The following SLC9A9 variants were observed in gnomAD, a reference collection of about 807,000 sequenced individuals.
SLC9A9 encodes the protein sodium/hydrogen exchanger 9.
Under a neutral mutation model 77.8 loss-of-function variants are expected in SLC9A9, and 62 were observed. The ratio of observed to expected loss-of-function variants is 0.80; its 90% CI spans 0.65 to 0.98. The LOEUF is 0.98. SLC9A9 is among the 50% of genes least tolerant of loss of function. The pLI is 0.00. For missense variants in SLC9A9, 775 were observed against 774.9 expected (o/e 1.00, Z 0.00); for synonymous variants, 320 against 283.5 (o/e 1.13, Z -1.29).
chr3:143,745,731 C>T (rs912995779), intron 4 of SLC9A9, among the ~76,000 whole-genome samples: 2 of 152,098 alleles, frequency 1.3e-5, no homozygotes, highest in African/African-American at 4.8e-5. Context: ...GTGACAGGCA[C>T]TTGGAATAAA....
At chr3:143,672,063 T>C (rs945899549) in intron 5 of SLC9A9, among the ~76,000 whole-genome samples, 1 of 152,234 alleles carries the variant, frequency 6.6e-6, no homozygotes, top group African/African-American at 2.4e-5. Flanking sequence ...CATTTTTTGC[T>C]GTTTATAATA....
At chr3:143,462,349 G>A (rs549455084) in intron 12 of SLC9A9, among the ~76,000 whole-genome samples, 19 of 152,148 alleles carry the variant, frequency 1.2e-4, no homozygotes, top group African/African-American at 3.4e-4. Flanking sequence ...CTCCACCCTC[G>A]GTGAGAGAGC....
At chr3:143,504,838 A>G (rs893963444) in intron 9 of SLC9A9, among the ~76,000 whole-genome samples, 1 of 152,212 alleles carries the variant, frequency 6.6e-6, no homozygotes, top group African/African-American at 2.4e-5. Context: ...TTGCATTAAC[A>G]CAATAAAGGG....
At chr3:143,599,039 A>G (rs530603478) in intron 6 of SLC9A9, among the ~76,000 whole-genome samples, 9 of 152,228 alleles carry the variant, frequency 5.9e-5, no homozygotes, top group Non-Finnish European at 1.2e-4. Flanking sequence ...AACAAGATTC[A>G]AATGAGTTAC....
chr3:143,331,185 T>C (rs564500786), intron 14 of SLC9A9, among the ~76,000 whole-genome samples: 2 of 152,300 alleles, frequency 1.3e-5, no homozygotes, highest in Non-Finnish European at 2.9e-5. Context: ...ACTCCACATA[T>C]AGCAGCTGAT....
chr3:143,331,817 C>T (rs1264406386), intron 14 of SLC9A9, among the ~76,000 whole-genome samples: 1 of 152,006 alleles, frequency 6.6e-6, no homozygotes, highest in Admixed American at 6.6e-5. Context: ...AGTAAATTAC[C>T]ATATGGTGTG....
chr3:143,414,893 C>T (rs2034163487), intron 12 of SLC9A9, among the ~76,000 whole-genome samples: 1 of 152,194 alleles, frequency 6.6e-6, no homozygotes, highest in Admixed American at 6.5e-5. Context: ...AGGCCTCTTA[C>T]ACCAAACAGC....
intron 14 of SLC9A9, among the ~76,000 whole-genome samples, chr3:143,303,298 G>C (rs1383662919): frequency 6.6e-6 from 1 of 152,186 alleles, no homozygotes; most frequent in Non-Finnish European, 1.5e-5. Context: ...CAAATAGAAA[G>C]TGATATCTGA....
chr3:143,641,383 G>GTTTTTT (rs1264945564), intron 6 of SLC9A9, among the ~76,000 whole-genome samples: 36 of 98,082 alleles, frequency 3.7e-4, no homozygotes, highest in South Asian at 6.5e-4. Context: ...TGTTGTCACA[G>GTTTTTT]TCTTTTTTTT....
chr3:143,315,370 C>T (rs1048188854), intron 14 of SLC9A9, among the ~76,000 whole-genome samples: 6 of 152,292 alleles, frequency 3.9e-5, no homozygotes, highest in South Asian at 4.2e-4. Flanking sequence ...AGGGCTCTAA[C>T]GGCAACATGT....
At chr3:143,420,995 C>G (rs1439942111) in intron 12 of SLC9A9, among the ~76,000 whole-genome samples, 2 of 151,934 alleles carry the variant, frequency 1.3e-5, no homozygotes, top group Non-Finnish European at 2.9e-5. Flanking sequence ...CCAATAATGT[C>G]TAAGCTAAGA....
At chr3:143,346,788 C>T (rs571738838) in intron 14 of SLC9A9, among the ~76,000 whole-genome samples, 3 of 151,400 alleles carry the variant, frequency 2.0e-5, no homozygotes, top group East Asian at 3.9e-4. Context: ...AGTGAAACTC[C>T]GTCTCAAAAA....
intron 12 of SLC9A9, among the ~76,000 whole-genome samples, chr3:143,428,696 GATGA>G (rs980089056): frequency 8.7e-5 from 7 of 80,820 alleles, no homozygotes; most frequent in Admixed American, 7.5e-4. Flanking sequence ...CCCATCTACA[GATGA>G]ATGAAGACAG....
chr3:143,485,777 G>A lies in SLC9A9; in HGVS notation c.1315+7876C>T, dbSNP rs74432242. 6.6e-5 allele frequency among the ~76,000 whole-genome samples: 10 copies of A among 151,990 alleles called. 1 individual carries two copies. In the South Asian group the frequency reaches 1.9e-3, roughly 28 times the overall value. On this transcript the variant is annotated intron_variant, in intron 11 of 15. Transcript: ENST00000316549. ...AACAGAAACTATCCCTGAAAAAGAC[G>A]TGATGGCAGATATACTAGACAAAGA...
chr3:143,385,582 A>G (rs2033404668), intron 12 of SLC9A9, among the ~76,000 whole-genome samples: 1 of 152,268 alleles, frequency 6.6e-6, no homozygotes, highest in Non-Finnish European at 1.5e-5. Context: ...CCATGTATCC[A>G]TTCACTTTAA....
At chr3:143,780,824 A>G (rs2007848857) in intron 4 of SLC9A9, among the ~76,000 whole-genome samples, 1 of 152,218 alleles carries the variant, frequency 6.6e-6, no homozygotes, top group Admixed American at 6.5e-5. Context: ...GTGTTGGAGC[A>G]ATAGGGTCAT....
At chr3:143,476,053 G>A (rs1200857019) in intron 11 of SLC9A9, among the ~76,000 whole-genome samples, 1 of 125,166 alleles carries the variant, frequency 8.0e-6, no homozygotes, top group Non-Finnish European at 2.0e-5. Flanking sequence ...CCCTGGTTTG[G>A]GTCTAGAATT....
At chr3:143,476,200 A>C (rs1294764402) in intron 11 of SLC9A9, among the ~76,000 whole-genome samples, 1 of 152,158 alleles carries the variant, frequency 6.6e-6, no homozygotes, top group African/African-American at 2.4e-5. Flanking sequence ...TTTCAGTTCA[A>C]CATCATTTTA....
rs140583398 is a variant in SLC9A9, at chr3:143,779,933, A to G, written c.533+15068T>C. The stretch of plus-strand genomic sequence containing the variant: ...CATTCTTGCAAATGAGTCTCCATTT[A>G]CTTTGTACTTTTGAGGATAATGTTT... On this transcript the variant is annotated intron_variant, in intron 4 of 15. Coordinates refer to ENST00000316549, the MANE Select transcript of SLC9A9 (RefSeq NM_173653.4). 1.6e-4 allele frequency among the ~76,000 whole-genome samples: 24 copies of G among 152,296 alleles called. No homozygotes were observed. The East Asian group carries it at 3.5e-3, about 22-fold the overall frequency.
Sources: allele counts gnomAD v4.1 joint callset (sites outside exome capture counted in the v4.1 genomes callset), GRCh38; gene constraint gnomAD v4.1.1; transcripts MANE v1.5; gene names NCBI Gene and HGNC (gene_info 2026-07-23, HGNC 2026-07-21).